AEBP2: variants seen among roughly 807,000 people sequenced by gnomAD.
The protein encoded by AEBP2 is AE binding protein 2, also known as zinc finger protein AEBP2.
In AEBP2, 10 loss-of-function variants were observed where a neutral mutation model predicts 50.8. The observed-to-expected ratio is 0.20, with a 90% CI of 0.12 to 0.33. The LOEUF is 0.33. Among genes scored for constraint, AEBP2 ranks in the 10% least tolerant of loss-of-function variants. AEBP2 has a pLI of 1.00. For missense variants in AEBP2, 570 were observed against 688.0 expected, an observed-to-expected ratio of 0.83 and a Z score of 1.92; for synonymous variants, 296 against 261.3, an observed-to-expected ratio of 1.13 and a Z score of -1.28.
intron 1 of AEBP2, among the ~76,000 whole-genome samples, chr12:19,441,222 C>T (rs1468122723): frequency 1.3e-5 from 2 of 152,138 alleles, no homozygotes; most frequent in Non-Finnish European, 2.9e-5. Flanking sequence ...TATTATTTTT[C>T]TTACTAAAGC....
chr12:19,452,649 C>G (rs941631227), intron 1 of AEBP2, among the ~76,000 whole-genome samples: 2 of 152,036 alleles, frequency 1.3e-5, no homozygotes, highest in African/African-American at 2.4e-5. Context: ...AATGGTAACT[C>G]AAGTAAAGAA....
At chr12:19,514,247 C>G (rs1335080299) in intron 6 of AEBP2, among the ~76,000 whole-genome samples, 3 of 152,010 alleles carry the variant, frequency 2.0e-5, no homozygotes, top group African/African-American at 7.2e-5. Flanking sequence ...TTATCTTCCC[C>G]CCTTGGCCTC....
rs746767904 is a variant in AEBP2, at chr12:19,439,807, CGAGGAG to C, written c.117_122del (p.Glu47_Glu48del). 6.6e-6 allele frequency: 10 copies of C among 1,510,598 alleles called. No homozygotes were observed. The highest frequency in any genetic ancestry group is 2.9e-5 in the African/African-American group (2 of 69,226). The allele number at this position is 1,510,598 out of a possible 1,614,324, so 93.6% of individuals were successfully genotyped here. ...CGGCGCGGGGCCGGGCTGAGCCCCC[CGAGGAG>C]GAGGAGGAAGAGGAGGAGGAGGAAG... On this transcript the variant is annotated inframe_deletion, in exon 1 of 8. Transcript: ENST00000266508.
At chr12:19,467,866 T>C (rs887893961) in intron 2 of AEBP2, among the ~76,000 whole-genome samples, 6 of 152,080 alleles carry the variant, frequency 3.9e-5, no homozygotes, top group African/African-American at 7.2e-5. Context: ...ATATATTCTT[T>C]GGTGTGTTTT....
intron 1 of AEBP2, among the ~76,000 whole-genome samples, chr12:19,410,663 G>C (rs1289202019): frequency 6.6e-6 from 1 of 151,984 alleles, no homozygotes; most frequent in Non-Finnish European, 1.5e-5. Context: ...ACAAAATCCT[G>C]GTACATAGTA....
At chr12:19,509,952 C>T (rs1419528983) in intron 5 of AEBP2, among the ~76,000 whole-genome samples, 1 of 150,596 alleles carries the variant, frequency 6.6e-6, no homozygotes. Context: ...CCTGCCTCAG[C>T]CTCCTGAGTA....
chr12:19,472,165 T>C (rs1948583198), intron 2 of AEBP2, among the ~76,000 whole-genome samples: 1 of 152,182 alleles, frequency 6.6e-6, no homozygotes, highest in Non-Finnish European at 1.5e-5. Context: ...TTTTCTAGTC[T>C]ATTAAAAATT....
intron 1 of AEBP2, among the ~76,000 whole-genome samples, chr12:19,459,519 C>T (rs1443393942): frequency 2.0e-5 from 3 of 152,156 alleles, no homozygotes; most frequent in African/African-American, 7.2e-5. Flanking sequence ...GCGTGAGCCA[C>T]CGCGCCCGGC....
intron 2 of AEBP2, among the ~76,000 whole-genome samples, chr12:19,465,649 C>CT (rs1948459197): frequency 1.3e-5 from 2 of 151,954 alleles, no homozygotes; most frequent in Admixed American, 6.6e-5. Context: ...GCCTTGGCCT[C>CT]TGAAAATGCT....
chr12:19,427,200 A>C (rs928732547), intron 1 of AEBP2, among the ~76,000 whole-genome samples: 4 of 151,986 alleles, frequency 2.6e-5, no homozygotes, highest in African/African-American at 9.7e-5. Flanking sequence ...AACATGGTGA[A>C]ACCCCATCTC....
At chr12:19,512,126 A>G (rs1443627390) in intron 5 of AEBP2, among the ~76,000 whole-genome samples, 1 of 151,708 alleles carries the variant, frequency 6.6e-6, no homozygotes, top group African/African-American at 2.4e-5. Flanking sequence ...GGTTCAAGTG[A>G]TTCTCCTGCC....
intron 6 of AEBP2, among the ~76,000 whole-genome samples, chr12:19,512,930 A>AG (rs1226280062): frequency 6.6e-6 from 1 of 152,198 alleles, no homozygotes; most frequent in African/African-American, 2.4e-5. Flanking sequence ...CCTGGGTAAC[A>AG]GAGTGAGACT....
chr12:19,503,736 C>G (rs560209423), intron 5 of AEBP2, among the ~76,000 whole-genome samples: 1 of 151,658 alleles, frequency 6.6e-6, no homozygotes, highest in Non-Finnish European at 1.5e-5. Flanking sequence ...GTTGCCCAGG[C>G]TGGTTTTGAA....
At position 19,518,827 on chromosome 12, in the gene AEBP2, TTCTC is replaced by T; in HGVS notation, c.*711_*714del. ...TGGCTCCCTTTTCAGGACTAGGGCT[TTCTC>T]ATGGAGTACAGTATGTTAATATTTA... is the stretch of plus-strand genomic sequence containing the variant. On this transcript the variant is annotated 3_prime_UTR_variant, in exon 8 of 8. Transcript: ENST00000266508. The T allele has an allele frequency of 1.1e-6, 1 of 892,476 alleles. No individual in the cohort carries two copies. The highest frequency in any genetic ancestry group is 1.6e-6 in the Non-Finnish European group (1 of 613,010). The allele number at this position is 892,476 out of a possible 1,614,324, so 55.3% of individuals were successfully genotyped here.
At chr12:19,464,255 T>G (rs1190312132) in intron 2 of AEBP2, among the ~76,000 whole-genome samples, 1 of 152,234 alleles carries the variant, frequency 6.6e-6, no homozygotes, top group Non-Finnish European at 1.5e-5. Context: ...GTGTGAAGTA[T>G]CTTAGCAAGT....
At chr12:19,507,355 G>C (rs986991519) in intron 5 of AEBP2, among the ~76,000 whole-genome samples, 5 of 152,126 alleles carry the variant, frequency 3.3e-5, no homozygotes, top group Non-Finnish European at 7.3e-5. Context: ...GAAATCCTTA[G>C]CTTCACCATG....
intron 5 of AEBP2, among the ~76,000 whole-genome samples, chr12:19,510,636 C>A (rs1474213449): frequency 6.6e-6 from 1 of 152,104 alleles, no homozygotes; most frequent in Non-Finnish European, 1.5e-5. Flanking sequence ...GAGCCAAAGT[C>A]ATACTTTGGA....
At chr12:19,491,893 G>A (rs1308254689) in intron 3 of AEBP2, among the ~76,000 whole-genome samples, 1 of 152,210 alleles carries the variant, frequency 6.6e-6, no homozygotes, top group African/African-American at 2.4e-5. Flanking sequence ...ACAGCCTCAA[G>A]GGAGAATTAG....
intron 6 of AEBP2, among the ~76,000 whole-genome samples, chr12:19,512,806 G>A (rs1382018262): frequency 6.6e-6 from 1 of 151,824 alleles, no homozygotes; most frequent in Non-Finnish European, 1.5e-5. Flanking sequence ...AAATTAGCCG[G>A]GTGTGGTGGT....
Sources: gnomAD v4.1 joint callset for allele counts (sites outside exome capture counted in the v4.1 genomes callset) on GRCh38, gnomAD v4.1.1 for gene constraint, MANE v1.5 for transcripts, NCBI Gene and HGNC (gene_info 2026-07-23, HGNC 2026-07-21) for gene names.